KCNMA1: variants seen among roughly 807,000 people sequenced by gnomAD.
KCNMA1 encodes potassium calcium-activated channel subfamily M alpha 1, also known as Calcium-activated potassium channel subunit alpha-1.
Under a neutral mutation model 140.0 loss-of-function variants are expected in KCNMA1, and 29 were observed. The ratio of observed to expected loss-of-function variants is 0.21; its 90% CI spans 0.15 to 0.28. The LOEUF is 0.28. KCNMA1 is among the 10% of genes least tolerant of loss of function. The pLI, the probability that KCNMA1 is intolerant of heterozygous loss-of-function variation, is 1.00. For synonymous variants in KCNMA1, 612 were observed against 611.9 expected, an observed-to-expected ratio of 1.00 and a Z score of 0.00; for missense variants, 880 against 1,602.2, an observed-to-expected ratio of 0.55 and a Z score of 7.70.
At chr10:77,190,704 C>A (rs2098931940) in intron 3 of KCNMA1, among the ~76,000 whole-genome samples, 1 of 152,158 alleles carries the variant, frequency 6.6e-6, no homozygotes, top group Non-Finnish European at 1.5e-5. Context: ...CCTAACCCTG[C>A]TCTGTAGAGA....
At chr10:77,011,284 A>G (rs1306385802) in intron 18 of KCNMA1, among the ~76,000 whole-genome samples, 2 of 152,174 alleles carry the variant, frequency 1.3e-5, no homozygotes, top group Non-Finnish European at 2.9e-5. Context: ...TGGACTCACT[A>G]TATCTTTCTC....
At chr10:76,989,438 A>C (rs7900261) in intron 19 of KCNMA1, among the ~76,000 whole-genome samples, 6 of 151,826 alleles carry the variant, frequency 4.0e-5, no homozygotes, top group Admixed American at 1.3e-4. Context: ...AACAGTAAGG[A>C]TTGAAGCAAA....
intron 5 of KCNMA1, among the ~76,000 whole-genome samples, chr10:77,125,476 A>G (rs186360182): frequency 1.3e-5 from 2 of 152,316 alleles, no homozygotes; most frequent in Admixed American, 1.3e-4. Flanking sequence ...CCAGATGCCC[A>G]CATGGCATAC....
intron 3 of KCNMA1, among the ~76,000 whole-genome samples, chr10:77,243,831 A>G (rs1275495119): frequency 6.6e-6 from 1 of 152,168 alleles, no homozygotes; most frequent in Non-Finnish European, 1.5e-5. Context: ...GAAACAGTAC[A>G]AAAAAGAGAG....
chr10:77,068,885 AC>A, intron 14 of KCNMA1, among the ~76,000 whole-genome samples: 2 of 144,786 alleles, frequency 1.4e-5, no homozygotes, highest in African/African-American at 5.2e-5. Flanking sequence ...ACACACACAC[AC>A]ACACACACAC....
At chr10:77,058,851 G>C (rs1221905666) in intron 14 of KCNMA1, among the ~76,000 whole-genome samples, 1 of 151,820 alleles carries the variant, frequency 6.6e-6, no homozygotes, top group African/African-American at 2.4e-5. Context: ...GAAGAAACTA[G>C]AGAAGAGGAG....
chr10:77,067,947 A>G (rs1419803273), intron 14 of KCNMA1, among the ~76,000 whole-genome samples: 1 of 152,204 alleles, frequency 6.6e-6, no homozygotes, highest in Non-Finnish European at 1.5e-5. Flanking sequence ...TAGTTCACAT[A>G]GAATGAACTA....
At chr10:77,270,519 T>C (rs2064756355) in intron 2 of KCNMA1, among the ~76,000 whole-genome samples, 1 of 151,360 alleles carries the variant, frequency 6.6e-6, no homozygotes, top group Non-Finnish European at 1.5e-5. Flanking sequence ...CTTTTCTCTC[T>C]CTCTCTCTTT....
intron 3 of KCNMA1, among the ~76,000 whole-genome samples, chr10:77,187,522 T>G (rs1439443602): frequency 6.6e-6 from 1 of 152,248 alleles, no homozygotes; most frequent in African/African-American, 2.4e-5. Flanking sequence ...CATGTTTCAT[T>G]ATCATTCCTT....
chr10:76,978,511 T>C (rs2078381056), intron 19 of KCNMA1: 1 of 152,222 alleles, frequency 6.6e-6, no homozygotes, highest in African/African-American at 2.4e-5. Flanking sequence ...CATGCTAATA[T>C]ATTTTTTAAG....
chr10:77,483,627 C>T (rs985482792), intron 1 of KCNMA1, among the ~76,000 whole-genome samples: 22 of 152,202 alleles, frequency 1.4e-4, no homozygotes, highest in African/African-American at 5.3e-4. Context: ...CTGCTTGCCA[C>T]TCCAGGCCTC....
chr10:77,498,750 G>C lies in KCNMA1; in HGVS notation c.379-94727C>G, dbSNP rs567435604. On this transcript the variant is annotated intron_variant, in intron 1 of 27. Transcript: ENST00000286628. Reference sequence around the variant, plus strand: ...GACTGCATTCATGGATGCAAAACACGAAAACCTCCCACCAGACCTTGAAAA... The same window carrying C: ...GACTGCATTCATGGATGCAAAACACCAAAACCTCCCACCAGACCTTGAAAA... 3 of 151,996 alleles carry C rather than the reference G, an allele frequency of 2.0e-5. No individual in the cohort carries two copies. The East Asian group carries it at 5.8e-4, about 29-fold the overall frequency. The allele number at this position is 151,996 out of a possible 1,614,324, so 9.4% of individuals were successfully genotyped here. A position where few individuals can be genotyped will look rare whatever the true frequency, so the allele number is the denominator to read the frequency against.
intron 1 of KCNMA1, among the ~76,000 whole-genome samples, chr10:77,556,998 C>T (rs371910593): frequency 6.6e-6 from 1 of 152,286 alleles, no homozygotes. Context: ...AGCTGCAAGA[C>T]CTGATTGGTT....
chr10:77,233,768 G>A (rs2054435044), intron 3 of KCNMA1, among the ~76,000 whole-genome samples: 1 of 152,098 alleles, frequency 6.6e-6, no homozygotes, highest in African/African-American at 2.4e-5. Context: ...TAATAAATTC[G>A]GAGGACCGAA....
At chr10:77,354,698 G>A (rs2093307147) in intron 2 of KCNMA1, 1 of 152,124 alleles carries the variant, frequency 6.6e-6, no homozygotes, top group Non-Finnish European at 1.5e-5. Flanking sequence ...GGGTGTCTTT[G>A]GACAAAGTCA....
At chr10:77,079,436 C>T (rs201661763) in intron 13 of KCNMA1, 45 bp downstream of exon 13, 65 of 1,105,542 alleles carry the variant, frequency 5.9e-5, no homozygotes, top group Non-Finnish European at 2.1e-5. Context: ...GAGGCTGGAC[C>T]TGTGGATGGG....
intron 1 of KCNMA1, among the ~76,000 whole-genome samples, chr10:77,521,855 T>G (rs2154550838): frequency 6.6e-6 from 1 of 152,198 alleles, no homozygotes; most frequent in South Asian, 2.1e-4. Context: ...CAAACCTCAC[T>G]TGATATAGTG....
intron 3 of KCNMA1, chr10:77,250,816 A>G (rs768224809): frequency 2.3e-5 from 6 of 261,548 alleles, no homozygotes; most frequent in South Asian, 4.9e-5. Flanking sequence ...AACCATAGCA[A>G]GAATGGCTCA....
Position 77,625,186 on chromosome 10 carries a change from G to A in KCNMA1, c.378+12079C>T, listed in dbSNP as rs185835264. On this transcript the variant is annotated intron_variant, in intron 1 of 27. Transcript: ENST00000286628. ...AGGCGGGCGGATCACGAGATCAGGA[G>A]ATCCAGACCATGGTGAAACCCCGTC... Among the ~76,000 whole-genome samples the A allele has an allele frequency of 1.7e-4, 26 of 152,260 alleles. No homozygotes were observed. The East Asian group carries it at 4.8e-3, about 28-fold the overall frequency.
Sources: allele counts gnomAD v4.1 joint callset (sites outside exome capture counted in the v4.1 genomes callset), GRCh38; gene constraint gnomAD v4.1.1; transcripts MANE v1.5; gene names NCBI Gene and HGNC (gene_info 2026-07-23, HGNC 2026-07-21).